The following PSMC2 variants were observed in gnomAD, a reference collection of about 807,000 sequenced individuals.
PSMC2 encodes proteasome 26S subunit, ATPase 2.
A neutral mutation model predicts 53.3 loss-of-function variants in PSMC2; 7 were observed. The observed-to-expected ratio is 0.13, with a 90% CI of 0.07 to 0.25. The LOEUF (loss-of-function observed/expected upper bound fraction) is 0.25, where lower values mean the gene tolerates loss of function less well. PSMC2 is among the 10% of genes least tolerant of loss of function. PSMC2 has a pLI of 1.00. For synonymous variants in PSMC2, 169 were observed against 183.9 expected (o/e 0.92, Z 0.66); for missense variants, 241 against 544.0 (o/e 0.44, Z 5.54).
At chr7:103,364,059 C>T in intron 7 of PSMC2, 84 bp from the exon 8 acceptor site, 1 of 1,324,682 alleles carries the variant, frequency 7.5e-7, no homozygotes, top group South Asian at 1.5e-5. Context: ...AAATACTAAA[C>T]ATAAAAGCAC....
intron 8 of PSMC2, among the ~76,000 whole-genome samples, chr7:103,364,958 C>CACATATATATAT (rs1554575470): frequency 8.0e-6 from 1 of 125,502 alleles, no homozygotes; most frequent in African/African-American, 2.9e-5. Flanking sequence ...TGTAGACATA[C>CACATATATATAT]ATATATATAT....
chr7:103,366,265 A>T, intron 9 of PSMC2, 102 bp downstream of exon 9: 2 of 1,011,968 alleles, frequency 2.0e-6, no homozygotes, highest in Non-Finnish European at 3.0e-6. Flanking sequence ...TTTAACTCCA[A>T]CTCTTCTATG....
intron 4 of PSMC2, among the ~76,000 whole-genome samples, chr7:103,359,138 CTTTTTTT>C (rs35936603): frequency 4.8e-4 from 15 of 31,336 alleles, no homozygotes; most frequent in East Asian, 3.0e-3. Context: ...CCATGTCTGG[CTTTTTTT>C]TTTTTTTTTT....
intron 1 of PSMC2, 46 bp downstream of exon 1, chr7:103,347,827 CGGAGCTGCCTTGGCACTGGAGA>C (rs1227847000): frequency 1.9e-6 from 3 of 1,605,178 alleles, no homozygotes; most frequent in Non-Finnish European, 2.6e-6. Context: ...GGGACTGGAG[CGGAGCTGCCTTGGCACTGGAGA>C]GGAGCTGGAT....
intron 2 of PSMC2, 119 bp downstream of exon 2, chr7:103,354,077 C>A: frequency 2.7e-6 from 2 of 742,724 alleles, no homozygotes; most frequent in Non-Finnish European, 4.2e-6. Flanking sequence ...AAAAACCAAA[C>A]AAAAAATAAA....
In PSMC2 at chr7:103,368,847, T is replaced by A. The variant is rs1216242959; in HGVS notation, c.*793T>A. ...ATTACTTTCATTTTACAAATTACTTTAAAATTTTGGTAAAGTTTCTGTTAG... is the reference window on the plus strand; with the variant it reads ...ATTACTTTCATTTTACAAATTACTTAAAAATTTTGGTAAAGTTTCTGTTAG... On this transcript the variant is annotated 3_prime_UTR_variant, in exon 12 of 12. Transcript: ENST00000292644. The A allele has an allele frequency of 6.6e-6, 1 of 152,218 alleles. No individual in the cohort carries two copies. Among genetic ancestry groups the A allele is most frequent in the African/African-American group, 2.4e-5 (1 of 41,464 alleles). 9.4% of individuals were successfully genotyped at this position (152,218 alleles called of 1,614,324 possible).
At chr7:103,355,495 G>T (rs1277688902) in intron 3 of PSMC2, among the ~76,000 whole-genome samples, 199 bp from the exon 4 acceptor site, 1 of 131,024 alleles carries the variant, frequency 7.6e-6, no homozygotes, top group Admixed American at 8.5e-5. Context: ...ATCCTTGATT[G>T]TCATGACTTT....
Position 103,362,761 on chromosome 7 carries a change from A to G in PSMC2, c.495+3A>G, listed in dbSNP as rs759815970. 1 of 1,574,286 alleles carries G rather than the reference A, an allele frequency of 6.4e-7. No homozygotes were observed. The highest frequency in any genetic ancestry group is 8.7e-7 in the Non-Finnish European group (1 of 1,145,990). ...ACCCAACAGTTACCATGATGCAGGT[A>G]AGAAACTATGGGAGGGAAAAGGAAG... is the stretch of plus-strand genomic sequence containing the variant. On this transcript the variant is annotated splice_donor_region_variant and intron_variant, in intron 6 of 11. Transcript: ENST00000292644.
chr7:103,358,591 C>T (rs969514292), intron 4 of PSMC2, among the ~76,000 whole-genome samples: 10 of 151,686 alleles, frequency 6.6e-5, no homozygotes, highest in South Asian at 6.2e-4. Context: ...TTTTTCTTCT[C>T]GTAGGTTTTT....
intron 6 of PSMC2, 37 bp downstream of exon 6, chr7:103,362,795 T>TTA: frequency 9.6e-6 from 2 of 209,186 alleles, no homozygotes; most frequent in Non-Finnish European, 1.7e-5. Flanking sequence ...AGGCTATGTC[T>TTA]TTTTTTTTTT....
intron 1 of PSMC2, among the ~76,000 whole-genome samples, chr7:103,349,839 G>A (rs1367397919): frequency 6.6e-6 from 1 of 152,142 alleles, no homozygotes; most frequent in Non-Finnish European, 1.5e-5. Context: ...GACTCACTTT[G>A]TTTGAGTGGT....
rs1383138091 is a variant in PSMC2 at position 103,368,158 on chromosome 7, C to CT, written c.*110dup. The stretch of plus-strand genomic sequence containing the variant: ...AAATAAATGGCTTCAAAATTGTATG[C>CT]TTTTTTCCATATCTCTTCTTGTAAT... On this transcript the variant is annotated 3_prime_UTR_variant, in exon 12 of 12. Transcript: ENST00000292644. The CT allele has an allele frequency of 5.0e-6, 5 of 1,009,538 alleles. No individual in the cohort carries two copies. The South Asian group carries it at 5.9e-5, about 12-fold the overall frequency. The allele number at this position is 1,009,538 out of a possible 1,614,324, so 62.5% of individuals were successfully genotyped here. A position where few individuals can be genotyped will look rare whatever the true frequency, so the allele number is the denominator to read the frequency against.
Position 103,367,914 on chromosome 7 carries a change from G to A in PSMC2, c.1162G>A (p.Val388Ile), listed in dbSNP as rs1337766156. 2 of 1,613,766 alleles carry A rather than the reference G, an allele frequency of 1.2e-6. No homozygotes were observed. The highest frequency in any genetic ancestry group is 1.7e-6 in the Non-Finnish European group (2 of 1,179,972). ...PNSTGAEIRS[V>I]CTEAGMFAIR... ...TTTGAAAGGTGCTGAGATTAGAAGC[G>A]TCTGCACAGAGGCTGGTATGTTTGC... is the stretch of plus-strand genomic sequence containing the variant. The change falls in exon 12 of 12, where the codon GTC becomes ATC. Residue 388 changes from valine (V) to isoleucine (I), a missense_variant. Coordinates refer to ENST00000292644, the MANE Select transcript of PSMC2 (RefSeq NM_002803.4). The surrounding 1 kb of genome is among the most constrained non-coding windows in gnomAD (Gnocchi z 6.1).
chr7:103,366,646 C>T (rs980753307), intron 9 of PSMC2, among the ~76,000 whole-genome samples: 2 of 152,158 alleles, frequency 1.3e-5, no homozygotes, highest in Admixed American at 6.5e-5. Context: ...CACCTATTTC[C>T]ATACTTTAAA....
intron 1 of PSMC2, chr7:103,352,879 C>T (rs867364313): frequency 1.5e-5 from 12 of 780,786 alleles, no homozygotes; most frequent in Non-Finnish European, 2.4e-5. Context: ...TTGGATTACA[C>T]GGCATTTCCC....
At chr7:103,360,902 G>T (rs746561680) in intron 4 of PSMC2, among the ~76,000 whole-genome samples, 2 of 151,784 alleles carry the variant, frequency 1.3e-5, no homozygotes, top group African/African-American at 4.8e-5. Flanking sequence ...ACTTGAGGTC[G>T]GGAGTTTGAA....
chr7:103,348,870 T>C, intron 1 of PSMC2: 1 of 525,978 alleles, frequency 1.9e-6, no homozygotes, highest in Non-Finnish European at 3.5e-6. Flanking sequence ...TGAATAATCT[T>C]GTTTATGTAA....
intron 1 of PSMC2, 73 bp from the exon 2 acceptor site, chr7:103,353,848 G>T: frequency 7.8e-7 from 1 of 1,280,160 alleles, no homozygotes. Context: ...CAGAAAAAAA[G>T]CTCTAGTTTC....
chr7:103,365,374 G>A (rs1313352502), intron 8 of PSMC2, among the ~76,000 whole-genome samples: 1 of 152,166 alleles, frequency 6.6e-6, no homozygotes, highest in East Asian at 1.9e-4. Flanking sequence ...GCTCATGCCT[G>A]TAATCCTAGC....
Sources: allele counts gnomAD v4.1 joint callset (sites outside exome capture counted in the v4.1 genomes callset), GRCh38; gene constraint gnomAD v4.1.1; non-coding constraint Gnocchi (gnomAD v3.1); transcripts MANE v1.5; gene names NCBI Gene and HGNC (gene_info 2026-07-23, HGNC 2026-07-21).